Variants in DOCK2 observed in about 807,000 individuals in gnomAD.
DOCK2 encodes the protein dedicator of cytokinesis 2.
In DOCK2, 87 loss-of-function variants were observed where a neutral mutation model predicts 248.9. That is an observed-to-expected ratio of 0.35 (90% confidence interval 0.29 to 0.42). DOCK2 has a LOEUF of 0.42. DOCK2 is among the 10% of genes least tolerant of loss of function. The pLI is 1.00. For synonymous variants in DOCK2, 805 were observed against 821.6 expected (o/e 0.98, Z 0.35); for missense variants, 1,747 against 2,300.2 (o/e 0.76, Z 4.92).
chr5:170,063,473 T>C (rs78455855), intron 44 of DOCK2, among the ~76,000 whole-genome samples: 5,557 of 152,142 alleles, frequency 0.037, 203 homozygotes, highest in African/African-American at 0.088. Context: ...ATTTTCTTTC[T>C]GGAAGGGGCA....
chr5:169,666,401 T>C (rs1408942558), intron 2 of DOCK2, among the ~76,000 whole-genome samples: 1 of 152,182 alleles, frequency 6.6e-6, no homozygotes, highest in Non-Finnish European at 1.5e-5. Context: ...AGTGGTTATC[T>C]CATGAAAACG....
intron 27 of DOCK2, among the ~76,000 whole-genome samples, chr5:169,902,099 C>T (rs569022993): frequency 5.2e-4 from 79 of 152,270 alleles, no homozygotes; most frequent in African/African-American, 1.9e-3. Flanking sequence ...AATGAGGCTG[C>T]ATCTTGATCT....
chr5:169,859,059 G>C (rs1489791550), intron 27 of DOCK2, among the ~76,000 whole-genome samples: 3 of 152,080 alleles, frequency 2.0e-5, no homozygotes, highest in African/African-American at 7.2e-5. Context: ...TTGCATGTGG[G>C]GAGACCTGTT....
intron 6 of DOCK2, among the ~76,000 whole-genome samples, chr5:169,678,858 AG>A (rs1446510505): frequency 9.3e-5 from 13 of 139,184 alleles, no homozygotes; most frequent in African/African-American, 3.4e-4. Context: ...TGGGGGTGGG[AG>A]TCAGGGTGGG....
rs374774675 is a variant in DOCK2 at position 169,996,110 on chromosome 5, G to A, written c.3018G>A (p.Lys1006=). ...GGGTCTTCCTGAGAGCTATCAACAAGTTTGCAGAAACCATGAACCAGAAGT... is the reference window on the plus strand; with the variant it reads ...GGGTCTTCCTGAGAGCTATCAACAAATTTGCAGAAACCATGAACCAGAAGT... ...QNRVFLRAIN[K]FAETMNQKFL... Residue 1006 remains lysine (K), a synonymous_variant, in exon 30 of 52, where the codon AAG becomes AAA. Coordinates refer to ENST00000520908, the MANE Select transcript of DOCK2 (RefSeq NM_004946.3). The A allele has an allele frequency of 3.1e-6, 5 of 1,613,884 alleles. No homozygotes were observed. In the African/African-American group the frequency reaches 6.7e-5, roughly 22 times the overall value.
At position 169,707,735 on chromosome 5, in the gene DOCK2, G is replaced by A. The variant is rs1480035631; in HGVS notation, c.1384-434G>A. ...CTCCTTTTGTCCAGCACTGCCCACC[G>A]CCCTGACGTGTTAGCTGTAGAAATT... On this transcript the variant is annotated intron_variant, in intron 14 of 51. Coordinates refer to ENST00000520908, the MANE Select transcript of DOCK2 (RefSeq NM_004946.3). Among the ~76,000 whole-genome samples, 4 of 152,164 alleles carry A rather than the reference G, an allele frequency of 2.6e-5. 1 individual carries two copies. Among genetic ancestry groups the A allele is most frequent in the East Asian group, 1.9e-4 (1 of 5,196 alleles).
At chr5:170,037,627 C>G (rs1161591313) in intron 36 of DOCK2, among the ~76,000 whole-genome samples, 2 of 151,968 alleles carry the variant, frequency 1.3e-5, no homozygotes, top group African/African-American at 2.4e-5. Context: ...GCTGAGACTA[C>G]AGGCCTGCAC....
chr5:169,674,187 G>T, intron 5 of DOCK2, 110 bp from the exon 6 acceptor site: 2 of 1,344,168 alleles, frequency 1.5e-6, no homozygotes, highest in Non-Finnish European at 2.0e-6. Flanking sequence ...CAGGGAGAGA[G>T]CCTCAGGCCA....
At chr5:170,026,477 T>A (rs1267547281) in intron 33 of DOCK2, among the ~76,000 whole-genome samples, 3 of 152,188 alleles carry the variant, frequency 2.0e-5, no homozygotes, top group Non-Finnish European at 4.4e-5. Flanking sequence ...AAGTTAGAGG[T>A]CAGGACTCCC....
chr5:169,685,708 G>A (rs1441810866), intron 8 of DOCK2, among the ~76,000 whole-genome samples: 1 of 152,228 alleles, frequency 6.6e-6, no homozygotes, highest in Non-Finnish European at 1.5e-5. Flanking sequence ...AGACATGCAT[G>A]AAACTGGAGG....
Position 169,851,402 on chromosome 5 carries a change from T to A in DOCK2, c.2799+10550T>A, listed in dbSNP as rs189376705. ...TTTCTTCCATCCCATGATTAGCTGC[T>A]GCAGAAATGAGAATTAAGAGGGAAT... On this transcript the variant is annotated intron_variant, in intron 27 of 51. Coordinates refer to ENST00000520908, the MANE Select transcript of DOCK2 (RefSeq NM_004946.3). 8.9e-4 allele frequency among the ~76,000 whole-genome samples: 135 copies of A among 152,320 alleles called. No individual in the cohort carries two copies. The Middle Eastern group carries it at 0.01, about 12-fold the overall frequency.
At chr5:170,062,785 T>A (rs1757376349) in intron 44 of DOCK2, among the ~76,000 whole-genome samples, 1 of 152,068 alleles carries the variant, frequency 6.6e-6, no homozygotes, top group South Asian at 2.1e-4. Flanking sequence ...AGGAGTGTAG[T>A]AAAGGGTCTT....
At chr5:169,661,313 T>C (rs542711052) in intron 2 of DOCK2, among the ~76,000 whole-genome samples, 4 of 152,284 alleles carry the variant, frequency 2.6e-5, no homozygotes, top group African/African-American at 9.6e-5. Flanking sequence ...CTTTAAAAAT[T>C]TTTTTAATTG....
chr5:170,081,014 G>A (rs1183142663), intron 50 of DOCK2: 1 of 152,582 alleles, frequency 6.6e-6, no homozygotes, highest in East Asian at 1.9e-4. Context: ...AGGGTGCCAG[G>A]CCCTGCGCCA....
chr5:169,746,993 C>T (rs1336121413), intron 22 of DOCK2, among the ~76,000 whole-genome samples: 2 of 152,130 alleles, frequency 1.3e-5, no homozygotes, highest in Non-Finnish European at 2.9e-5. Flanking sequence ...CAATGGGTGG[C>T]GGAAATGGCA....
chr5:169,906,805 C>T (rs150797319), intron 27 of DOCK2, among the ~76,000 whole-genome samples: 1 of 152,178 alleles, frequency 6.6e-6, no homozygotes, highest in East Asian at 1.9e-4. Context: ...CTGGTTTAAG[C>T]TCTGGAAAGT....
intron 27 of DOCK2, among the ~76,000 whole-genome samples, chr5:169,950,880 C>T (rs1046770853): frequency 2.0e-5 from 3 of 152,210 alleles, no homozygotes; most frequent in Non-Finnish European, 4.4e-5. Flanking sequence ...GCCCACGGGG[C>T]AGATGTGGCC....
intron 22 of DOCK2, among the ~76,000 whole-genome samples, chr5:169,746,212 G>T (rs904630453): frequency 6.6e-6 from 1 of 152,114 alleles, no homozygotes; most frequent in Non-Finnish European, 1.5e-5. Flanking sequence ...TAGATATAAA[G>T]ACATAGAAAC....
chr5:169,757,913 G>T (rs551492248), intron 23 of DOCK2, among the ~76,000 whole-genome samples: 3 of 152,176 alleles, frequency 2.0e-5, no homozygotes. Flanking sequence ...GCAAGGTTAT[G>T]GGGAAATGGT....
Sources: gnomAD v4.1 joint callset for allele counts (sites outside exome capture counted in the v4.1 genomes callset) on GRCh38, gnomAD v4.1.1 for gene constraint, MANE v1.5 for transcripts, NCBI Gene and HGNC (gene_info 2026-07-23, HGNC 2026-07-21) for gene names.